Variants in HEMK2 observed in about 807,000 individuals in gnomAD.
HEMK2 encodes the protein HemK methyltransferase 2, ETF1 glutamine and histone H4 lysine.
At chr21:28,784,076 G>A in the HEMK2 span, among the ~76,000 whole-genome samples, 263 of 152,266 alleles carry the variant, frequency 1.7e-3, 3 homozygotes, top group East Asian at 0.029. Context: ...GAGCCTCCCC[G>A]ACGAGCGCCA....
the HEMK2 span, among the ~76,000 whole-genome samples, chr21:28,622,297 G>C: frequency 6.6e-6 from 1 of 152,202 alleles, no homozygotes; most frequent in South Asian, 2.1e-4. Flanking sequence ...TCTTCAAGGA[G>C]AACTACAAAC....
chr21:28,657,647 G>T, the HEMK2 span, among the ~76,000 whole-genome samples: 5 of 152,030 alleles, frequency 3.3e-5, no homozygotes, highest in Admixed American at 2.6e-4. Flanking sequence ...AACTTGGAAG[G>T]TTATTCTTTT....
At chr21:28,873,271 T>C in the HEMK2 span, 1 of 152,170 alleles carries the variant, frequency 6.6e-6, no homozygotes, top group African/African-American at 2.4e-5. Context: ...TTAAAAAAAT[T>C]AACAATATTT....
chr21:28,610,082 A>G, the HEMK2 span, among the ~76,000 whole-genome samples: 1 of 152,186 alleles, frequency 6.6e-6, no homozygotes, highest in African/African-American at 2.4e-5. Context: ...TCACAAAGAG[A>G]CCATCACCTA....
At chr21:28,747,113 T>C in the HEMK2 span, among the ~76,000 whole-genome samples, 1 of 152,196 alleles carries the variant, frequency 6.6e-6, no homozygotes, top group Non-Finnish European at 1.5e-5. Context: ...GTTGTGGCCA[T>C]GGAGTCTACA....
the HEMK2 span, among the ~76,000 whole-genome samples, chr21:28,754,447 G>A: frequency 6.6e-6 from 1 of 152,212 alleles, no homozygotes; most frequent in Admixed American, 6.5e-5. Context: ...TTGGCAGAGT[G>A]AGGCTGATTA....
the HEMK2 span, among the ~76,000 whole-genome samples, chr21:28,608,278 T>C: frequency 6.6e-6 from 1 of 152,222 alleles, no homozygotes; most frequent in East Asian, 1.9e-4. Flanking sequence ...TATGTTTTCA[T>C]TCTCCAATTT....
chr21:28,857,242 A>G, the HEMK2 span, among the ~76,000 whole-genome samples: 1 of 152,036 alleles, frequency 6.6e-6, no homozygotes, highest in African/African-American at 2.4e-5. Context: ...TTGTTATTTA[A>G]TTTTATTGAA....
chr21:28,790,631 T>G, the HEMK2 span, among the ~76,000 whole-genome samples: 1 of 152,094 alleles, frequency 6.6e-6, no homozygotes, highest in Non-Finnish European at 1.5e-5. Context: ...CCATAGTCAC[T>G]GAATGAATAA....
chr21:28,765,105 T>C, the HEMK2 span, among the ~76,000 whole-genome samples: 1 of 152,102 alleles, frequency 6.6e-6, no homozygotes, highest in Non-Finnish European at 1.5e-5. Flanking sequence ...TTCACCCTTA[T>C]GGCCTCTGAG....
chr21:28,875,298 A>T, the HEMK2 span: 3 of 152,278 alleles, frequency 2.0e-5, no homozygotes. Flanking sequence ...TGGGAAGCTC[A>T]GGTTGCACGG....
the HEMK2 span, among the ~76,000 whole-genome samples, chr21:28,709,663 T>C: frequency 6.6e-6 from 1 of 152,160 alleles, no homozygotes; most frequent in Non-Finnish European, 1.5e-5. Context: ...CTTCCTTTCT[T>C]CCACCCTCTA....
At chr21:28,587,870 C>A in the HEMK2 span, among the ~76,000 whole-genome samples, 4 of 152,260 alleles carry the variant, frequency 2.6e-5, no homozygotes, top group African/African-American at 9.6e-5. Context: ...CATTTGTTTG[C>A]AGAGATTAAA....
At chr21:28,818,404 C>T in the HEMK2 span, among the ~76,000 whole-genome samples, 1 of 152,060 alleles carries the variant, frequency 6.6e-6, no homozygotes, top group Non-Finnish European at 1.5e-5. Context: ...TGGGACCTCA[C>T]CTTATGATTG....
chr21:28,654,671 T>A, the HEMK2 span, among the ~76,000 whole-genome samples: 1 of 152,142 alleles, frequency 6.6e-6, no homozygotes, highest in Non-Finnish European at 1.5e-5. Context: ...AAAACCTGGC[T>A]ACAGGTTCAG....
the HEMK2 span, among the ~76,000 whole-genome samples, chr21:28,694,915 G>A: frequency 6.6e-6 from 1 of 151,618 alleles, no homozygotes; most frequent in African/African-American, 2.4e-5. Context: ...GGAGAATGGC[G>A]TGAACCCAGG....
the HEMK2 span, among the ~76,000 whole-genome samples, chr21:28,751,986 A>T: frequency 2.0e-5 from 3 of 152,066 alleles, no homozygotes; most frequent in Non-Finnish European, 2.9e-5. Context: ...GAAAAAAAAA[A>T]TGTTTGTTTT....
chr21:28,745,467 C>T, the HEMK2 span, among the ~76,000 whole-genome samples: 1 of 152,168 alleles, frequency 6.6e-6, no homozygotes, highest in Non-Finnish European at 1.5e-5. Flanking sequence ...GCCCTGGCCC[C>T]GTCAGTTAGA....
At chr21:28,592,068 T>G in the HEMK2 span, among the ~76,000 whole-genome samples, 5 of 152,228 alleles carry the variant, frequency 3.3e-5, no homozygotes, top group African/African-American at 1.2e-4. Flanking sequence ...ATATACCCAG[T>G]AATAGGATCG....
Sources: gnomAD v4.1 joint callset for allele counts (sites outside exome capture counted in the v4.1 genomes callset) on GRCh38, gnomAD v4.1.1 for gene constraint, MANE v1.5 for transcripts, NCBI Gene and HGNC (gene_info 2026-07-23, HGNC 2026-07-21) for gene names.